The following GLOD5 variants were observed in gnomAD, a reference collection of about 807,000 sequenced individuals.
GLOD5 encodes glyoxalase domain-containing protein 5.
A neutral mutation model predicts 9.9 loss-of-function variants in GLOD5; 7 were observed. The observed-to-expected ratio is 0.71, with a 90% CI of 0.40 to 1.33. GLOD5 has a LOEUF of 1.33. Among genes scored for constraint, GLOD5 ranks in the 40% most tolerant of loss-of-function variants. The probability of loss-of-function intolerance (pLI) is 0.01; values close to 1 mark genes in which losing one functional copy is unlikely to be tolerated. For synonymous variants in GLOD5, 49 were observed against 47.3 expected (o/e 1.04, Z -0.14); for missense variants, 146 against 128.4 (o/e 1.14, Z -0.66).
At position 48,766,985 on chromosome X, in the gene GLOD5, C is replaced by CAAAAAAAAAAAAAAAAA. The variant is rs782648787; in HGVS notation, c.201+1017_201+1033dup. On this transcript the variant is annotated intron_variant, in intron 2 of 3. Coordinates refer to ENST00000303227, the MANE Select transcript of GLOD5 (RefSeq NM_001080489.3). ...TGGGTGACAGAGCAAGATTCCATCT[C>CAAAAAAAAAAAAAAAAA]AAAAAAAAAAAAAAAAAAAACCAAC... Among the ~76,000 whole-genome samples, 22 of 3,018 alleles carry CAAAAAAAAAAAAAAAAA rather than the reference C, an allele frequency of 7.3e-3. 10 individuals are homozygous for CAAAAAAAAAAAAAAAAA. Among genetic ancestry groups the CAAAAAAAAAAAAAAAAA allele is most frequent in the African/African-American group, 0.018 (15 of 840 alleles). The allele number at this position is 3,018 out of a possible 115,157, so 2.6% of individuals were successfully genotyped here.
chrX:48,769,244 C>T (rs1405468882), intron 2 of GLOD5, among the ~76,000 whole-genome samples: 1 of 109,300 alleles, frequency 9.1e-6, no homozygotes, highest in African/African-American at 3.3e-5. Context: ...TGGCTCACGC[C>T]TGCAATCCCA....
rs782053658 is a variant in GLOD5 at position 48,765,868 on chromosome X, T to C, written c.97T>C (p.Cys33Arg). 5.4e-5 allele frequency: 64 copies of C among 1,194,532 alleles called. No homozygotes were observed. In the East Asian group the frequency reaches 1.8e-3, roughly 33 times the overall value. Residue 33 changes from cysteine (C) to arginine (R), a missense_variant, in exon 2 of 4, where the codon TGT (cysteine) becomes CGT (arginine). By Grantham distance (180) the Cys-to-Arg change is radical. Transcript: ENST00000303227. The part of the protein sequence containing the change: ...WRDSSQTPPP[C>R]LIRRLDHIVM... ...GGACAGCAGTCAGACCCCTCCCCCATGTCTTATCCGTAGACTTGACCACAT... is the reference window on the plus strand; with the variant it reads ...GGACAGCAGTCAGACCCCTCCCCCACGTCTTATCCGTAGACTTGACCACAT...
At chrX:48,773,247 A>T in intron 3 of GLOD5, 63 bp from the exon 4 acceptor site, 1 of 1,153,576 alleles carries the variant, frequency 8.7e-7, no homozygotes. Context: ...AAAAAAAGGC[A>T]TTAAATTTTG....
At chrX:48,766,236 C>T (rs2062608843) in intron 2 of GLOD5, 1 of 277,889 alleles carries the variant, frequency 3.6e-6, no homozygotes, top group African/African-American at 2.8e-5. Context: ...AGCATGTTGA[C>T]ACTTAACATG....
intron 2 of GLOD5, among the ~76,000 whole-genome samples, chrX:48,769,821 T>TA (rs1303116901): frequency 1.6e-4 from 16 of 100,312 alleles, no homozygotes; most frequent in Admixed American, 6.4e-4. Context: ...CTACAAAAAA[T>TA]AAAAAAAAAT....
At chrX:48,771,462 C>T (rs782051634) in intron 3 of GLOD5, among the ~76,000 whole-genome samples, 6 of 109,550 alleles carry the variant, frequency 5.5e-5, no homozygotes, top group South Asian at 7.8e-4. Context: ...ACTACAGGTG[C>T]GTGCCACCAC....
intron 1 of GLOD5, chrX:48,765,487 A>G (rs1471295185): frequency 8.9e-5 from 23 of 259,848 alleles, no homozygotes; most frequent in Non-Finnish European, 1.3e-4. Context: ...CTGAAGCAGG[A>G]GAATCGCTTG....
intron 3 of GLOD5, 28 bp from the exon 4 acceptor site, chrX:48,773,282 C>T (rs782624399): frequency 3.1e-5 from 37 of 1,205,536 alleles, no homozygotes; most frequent in Middle Eastern, 2.3e-4. Flanking sequence ...TTTTGACGAA[C>T]GACTTTTGTC....
intron 3 of GLOD5, among the ~76,000 whole-genome samples, chrX:48,772,427 C>G (rs782790159): frequency 1.4e-4 from 16 of 110,633 alleles, no homozygotes; most frequent in Non-Finnish European, 2.3e-4. Flanking sequence ...GTAGTCTCAG[C>G]TACTTGGGAG....
At chrX:48,764,507 T>A (rs2147293345) in intron 1 of GLOD5, among the ~76,000 whole-genome samples, 1 of 110,036 alleles carries the variant, frequency 9.1e-6, no homozygotes, top group African/African-American at 3.3e-5. Context: ...AAGGCACAGA[T>A]AAATTAGATA....
chrX:48,766,985 C>CAAAAAAA lies in GLOD5; in HGVS notation c.201+1027_201+1033dup, dbSNP rs782648787. ...TGGGTGACAGAGCAAGATTCCATCT[C>CAAAAAAA]AAAAAAAAAAAAAAAAAAAACCAAC... On this transcript the variant is annotated intron_variant, in intron 2 of 3. Transcript: ENST00000303227. 7.6e-3 allele frequency among the ~76,000 whole-genome samples: 23 copies of CAAAAAAA among 3,020 alleles called. 7 individuals carry two copies. The highest frequency in any genetic ancestry group is 0.021 in the Admixed American group (2 of 95). 2.6% of individuals were successfully genotyped at this position (3,020 alleles called of 115,157 possible). A position where few individuals can be genotyped will look rare whatever the true frequency, so the allele number is the denominator to read the frequency against.
intron 2 of GLOD5, among the ~76,000 whole-genome samples, chrX:48,766,717 C>A (rs2062609953): frequency 9.2e-6 from 1 of 109,140 alleles, no homozygotes; most frequent in Non-Finnish European, 1.9e-5. Flanking sequence ...CACTACAGCA[C>A]TCTAGTCTGA....
At position 48,773,362 on chromosome X, in the gene GLOD5, G is replaced by A. The variant is rs1557017670; in HGVS notation, c.410G>A (p.Gly137Glu). Residue 137 changes from glycine (G) to glutamate (E), a missense_variant, in exon 4 of 4, where the codon GGG becomes GAG. Transcript: ENST00000303227. ...CCAGTCCCCAGAACAGGGGCAAAAG[G>A]GCCTATCATGTCCATCTACTTCCGA... ...EGPVPRTGAK[G>E]PIMSIYFRDP... The A allele has an allele frequency of 2.5e-6, 3 of 1,206,436 alleles. No individual in the cohort carries two copies. Among genetic ancestry groups the A allele is most frequent in the African/African-American group, 3.5e-5 (2 of 56,831 alleles).
At chrX:48,764,875 G>A (rs1281676640) in intron 1 of GLOD5, among the ~76,000 whole-genome samples, 2 of 111,077 alleles carry the variant, frequency 1.8e-5, no homozygotes, top group Non-Finnish European at 3.8e-5. Context: ...TGCCTATAGT[G>A]CCAGACCACA....
chrX:48,772,609 T>C (rs1217238621), intron 3 of GLOD5, among the ~76,000 whole-genome samples: 1 of 111,401 alleles, frequency 9.0e-6, no homozygotes, highest in Non-Finnish European at 1.9e-5. Flanking sequence ...ATATATATTC[T>C]GTGCAAATAA....
rs1557017716 is a variant in GLOD5, at chrX:48,773,422, A to C, written c.470A>C (p.Tyr157Ser). Reference sequence around the variant, plus strand: ...AGAAATCTGATTGAGGTGTCCAACTACATCTCCTCGTGATGGAGGCTGGAC... The same window carrying C: ...AGAAATCTGATTGAGGTGTCCAACTCCATCTCCTCGTGATGGAGGCTGGAC... ...PDRNLIEVSN[Y>S]ISS Residue 157 changes from tyrosine (Y) to serine (S), a missense_variant, in exon 4 of 4, where the codon TAC becomes TCC. By Grantham distance (144) the Tyr-to-Ser change is moderately radical. Transcript: ENST00000303227. 8.3e-7 allele frequency: 1 copy of C among 1,208,761 alleles called. No individual in the cohort carries two copies. Among genetic ancestry groups the C allele is most frequent in the African/African-American group, 1.8e-5 (1 of 57,093 alleles).
At chrX:48,764,976 G>A (rs1452695633) in intron 1 of GLOD5, among the ~76,000 whole-genome samples, 1 of 111,516 alleles carries the variant, frequency 9.0e-6, no homozygotes, top group Non-Finnish European at 1.9e-5. Flanking sequence ...GAAGTGTGCT[G>A]AGGGCGGGAA....
intron 3 of GLOD5, among the ~76,000 whole-genome samples, chrX:48,771,886 T>C (rs1307379751): frequency 1.8e-5 from 2 of 111,294 alleles, no homozygotes; most frequent in Admixed American, 9.6e-5. Context: ...AGGGAATAAT[T>C]TCTGATTTGT....
At chrX:48,772,486 C>T (rs191152118) in intron 3 of GLOD5, among the ~76,000 whole-genome samples, 61 of 111,467 alleles carry the variant, frequency 5.5e-4, no homozygotes, top group Non-Finnish European at 9.0e-4. Flanking sequence ...CTGTAGTGAG[C>T]TGTGATCGCA....
Sources: allele counts gnomAD v4.1 joint callset (sites outside exome capture counted in the v4.1 genomes callset), GRCh38; gene constraint gnomAD v4.1.1; transcripts MANE v1.5; gene names NCBI Gene and HGNC (gene_info 2026-07-23, HGNC 2026-07-21).